The following GPHN variants were observed in gnomAD, a reference collection of about 807,000 sequenced individuals.
The protein encoded by GPHN is gephyrin.
In GPHN, 17 loss-of-function variants were observed where a neutral mutation model predicts 95.5. That is an observed-to-expected ratio of 0.18 (90% CI 0.12 to 0.27). The LOEUF (loss-of-function observed/expected upper bound fraction) is 0.27, where lower values mean the gene tolerates loss of function less well. GPHN is among the 10% of genes least tolerant of loss of function. The pLI, the probability that GPHN is intolerant of heterozygous loss-of-function variation, is 1.00. For synonymous variants in GPHN, 320 were observed against 322.5 expected, an observed-to-expected ratio of 0.99 and a Z score of 0.08; for missense variants, 660 against 978.1, an observed-to-expected ratio of 0.67 and a Z score of 4.34.
chr14:67,454,814 G>A, the GPHN span: 1 of 152,110 alleles, frequency 6.6e-6, no homozygotes, highest in South Asian at 2.1e-4. Context: ...GAGTCCTCTG[G>A]AAGAGGTGAC....
the GPHN span, among the ~76,000 whole-genome samples, chr14:67,252,743 A>G: frequency 3.3e-5 from 5 of 152,242 alleles, no homozygotes; most frequent in Non-Finnish European, 7.3e-5. Flanking sequence ...GGAATGGCAC[A>G]TAGTAGATGC....
chr14:67,366,603 T>G, the GPHN span, among the ~76,000 whole-genome samples: 1 of 152,248 alleles, frequency 6.6e-6, no homozygotes, highest in South Asian at 2.1e-4. Context: ...CAGAATGAGA[T>G]CTGAATATTT....
chr14:67,691,358 C>G, the GPHN span: 3 of 678,786 alleles, frequency 4.4e-6, no homozygotes, highest in South Asian at 5.4e-5. Context: ...AATCTTCCCT[C>G]CATTTTTCCT....
intron 2 of GPHN, among the ~76,000 whole-genome samples, chr14:66,687,293 CT>C (rs1371543702): frequency 6.6e-5 from 10 of 152,012 alleles, no homozygotes; most frequent in Non-Finnish European, 1.2e-4. Flanking sequence ...TCCACCCCAG[CT>C]TTGTTCTTTT....
chr14:66,773,025 C>A (rs1330870681), intron 2 of GPHN, among the ~76,000 whole-genome samples: 1 of 152,072 alleles, frequency 6.6e-6, no homozygotes, highest in Non-Finnish European at 1.5e-5. Flanking sequence ...GCTGTTTAAT[C>A]CAGACCATTT....
intron 1 of GPHN, among the ~76,000 whole-genome samples, chr14:66,508,883 C>T (rs973281037): frequency 6.6e-6 from 1 of 152,152 alleles, no homozygotes; most frequent in Non-Finnish European, 1.5e-5. Flanking sequence ...GCGGAGGGCG[C>T]TGCGGGGCTC....
the GPHN span, among the ~76,000 whole-genome samples, chr14:67,528,175 A>AGAT: frequency 6.6e-6 from 1 of 152,128 alleles, no homozygotes; most frequent in Non-Finnish European, 1.5e-5. Context: ...TCTGCTGAGG[A>AGAT]GATAATAATA....
chr14:67,709,379 A>G, the GPHN span, among the ~76,000 whole-genome samples: 1 of 152,196 alleles, frequency 6.6e-6, no homozygotes, highest in African/African-American at 2.4e-5. Context: ...TTTATAAACA[A>G]TCTATAACAT....
intron 4 of GPHN, among the ~76,000 whole-genome samples, chr14:66,830,051 T>G (rs1276603888): frequency 1.3e-5 from 2 of 152,224 alleles, no homozygotes; most frequent in African/African-American, 4.8e-5. Flanking sequence ...ATTTATGTAT[T>G]GTCTATGGCT....
the GPHN span, among the ~76,000 whole-genome samples, chr14:67,284,441 A>AC: frequency 6.8e-6 from 1 of 147,972 alleles, no homozygotes. Context: ...AAAAAAAAAA[A>AC]AAACAGCTGG....
At chr14:67,152,004 C>T (rs1382409753) in intron 18 of GPHN, among the ~76,000 whole-genome samples, 1 of 152,114 alleles carries the variant, frequency 6.6e-6, no homozygotes, top group Non-Finnish European at 1.5e-5. Context: ...TTAACTGGCT[C>T]TGTCCAATGA....
rs940892555 is a variant in GPHN at position 66,629,209 on chromosome 14, T to A, written c.65-51898T>A. ...TATAAATATGTATATAAATATATAT[T>A]TATATACATATATAAATATGTATAT... On this transcript the variant is annotated intron_variant, in intron 1 of 22. Coordinates refer to ENST00000478722, the MANE Select transcript of GPHN (RefSeq NM_020806.5). 2.0e-4 allele frequency among the ~76,000 whole-genome samples: 27 copies of A among 136,822 alleles called. 1 individual carries two copies. The highest frequency in any genetic ancestry group is 5.2e-4 in the African/African-American group (20 of 38,608). The allele number at this position is 136,822 out of a possible 152,430, so 89.8% of individuals were successfully genotyped here. A position where few individuals can be genotyped will look rare whatever the true frequency, so the allele number is the denominator to read the frequency against.
intron 4 of GPHN, among the ~76,000 whole-genome samples, chr14:66,861,158 AC>A (rs1297153954): frequency 6.6e-6 from 1 of 152,142 alleles, no homozygotes; most frequent in Non-Finnish European, 1.5e-5. Context: ...ACCTGTAAAG[AC>A]AAATATAAAC....
intron 1 of GPHN, among the ~76,000 whole-genome samples, chr14:66,548,390 A>T (rs2059686056): frequency 6.6e-6 from 1 of 152,068 alleles, no homozygotes; most frequent in African/African-American, 2.4e-5. Flanking sequence ...CATGTTGGCC[A>T]GGCTGGTTTC....
intron 1 of GPHN, among the ~76,000 whole-genome samples, chr14:66,534,499 C>T (rs1030039705): frequency 1.3e-5 from 2 of 152,080 alleles, no homozygotes; most frequent in African/African-American, 4.8e-5. Context: ...ATTTATTCTT[C>T]TGTTAATGGA....
intron 1 of GPHN, among the ~76,000 whole-genome samples, chr14:66,562,222 C>G (rs760634106): frequency 9.9e-5 from 15 of 152,040 alleles, no homozygotes; most frequent in Non-Finnish European, 1.8e-4. Flanking sequence ...TGATAAGAGA[C>G]AGATTAAGTT....
the GPHN span, chr14:67,648,239 C>A: frequency 6.5e-7 from 1 of 1,542,746 alleles, no homozygotes; most frequent in South Asian, 1.2e-5. Flanking sequence ...ATGCTAGAGT[C>A]TCTTGCCTGC....
rs1431219700 is a variant in GPHN, at chr14:66,994,524, C to G, written c.964-29109C>G. Among the ~76,000 whole-genome samples the G allele has an allele frequency of 2.0e-5, 3 of 152,202 alleles. No individual in the cohort carries two copies. The East Asian group carries it at 5.8e-4, about 29-fold the overall frequency. On this transcript the variant is annotated intron_variant, in intron 9 of 22. Transcript: ENST00000478722. ...GTTTAATGTGCACCATAGAATTGCC[C>G]TCCTCGGAACTGACTTTAATTCAAA...
rs558880644 is a variant in GPHN at position 66,675,237 on chromosome 14, G to A, written c.65-5870G>A. On this transcript the variant is annotated intron_variant, in intron 1 of 22. Coordinates refer to ENST00000478722, the MANE Select transcript of GPHN (RefSeq NM_020806.5). ...CGGCTCACTGCAACCTCTGCCTCCC[G>A]AATTCAAGCGATTCTCCTGCCTCAG... Among the ~76,000 whole-genome samples, 10 of 148,130 alleles carry A rather than the reference G, an allele frequency of 6.8e-5. 2 individuals are homozygous for A. The highest frequency in any genetic ancestry group is 2.3e-4 in the African/African-American group (9 of 39,872).
Sources: gnomAD v4.1 joint callset for allele counts (sites outside exome capture counted in the v4.1 genomes callset) on GRCh38, gnomAD v4.1.1 for gene constraint, MANE v1.5 for transcripts, NCBI Gene and HGNC (gene_info 2026-07-23, HGNC 2026-07-21) for gene names.